The following RBFOX1 variants were observed in gnomAD, a reference collection of about 807,000 sequenced individuals.
RBFOX1 encodes the protein RNA binding fox-1 homolog 1, also known as RNA binding protein fox-1 homolog 1.
RBFOX1 carries 8 observed loss-of-function variants against 57.7 expected under a neutral mutation model. That is an observed-to-expected ratio of 0.14 (90% confidence interval 0.08 to 0.25). The LOEUF is 0.25. Among genes scored for constraint, RBFOX1 ranks in the 10% least tolerant of loss-of-function variants. RBFOX1 has a pLI of 1.00. For synonymous variants in RBFOX1, 326 were observed against 222.4 expected (o/e 1.47, Z -4.15); for missense variants, 611 against 548.5 (o/e 1.11, Z -1.14).
At chr16:6,607,196 C>T (rs565993395) in intron 2 of RBFOX1, among the ~76,000 whole-genome samples, 2 of 152,258 alleles carry the variant, frequency 1.3e-5, no homozygotes, top group Admixed American at 6.5e-5. Flanking sequence ...CATCTGACTA[C>T]TGATTGGGGA....
chr16:6,099,577 T>C (rs932259860), intron 1 of RBFOX1, among the ~76,000 whole-genome samples: 1 of 152,138 alleles, frequency 6.6e-6, no homozygotes, highest in African/African-American at 2.4e-5. Context: ...TTTCTTTTGG[T>C]GTGATGAAAA....
chr16:7,205,982 C>G (rs2089886910), intron 4 of RBFOX1, among the ~76,000 whole-genome samples: 1 of 152,192 alleles, frequency 6.6e-6, no homozygotes, highest in South Asian at 2.1e-4. Flanking sequence ...CATGATGAGC[C>G]TATGGCCGAT....
intron 2 of RBFOX1, among the ~76,000 whole-genome samples, chr16:6,624,655 G>A (rs1269475540): frequency 6.6e-6 from 1 of 152,062 alleles, no homozygotes; most frequent in Non-Finnish European, 1.5e-5. Flanking sequence ...GTTTTGTTGG[G>A]TACATTTTGT....
intron 3 of RBFOX1, among the ~76,000 whole-genome samples, chr16:5,623,017 G>C (rs909116560): frequency 6.6e-6 from 1 of 152,148 alleles, no homozygotes; most frequent in Non-Finnish European, 1.5e-5. Flanking sequence ...ATACTATGCC[G>C]CTTTGTATGA....
intron 3 of RBFOX1, among the ~76,000 whole-genome samples, chr16:6,779,351 G>C (rs1377106261): frequency 6.6e-6 from 1 of 151,968 alleles, no homozygotes; most frequent in African/African-American, 2.4e-5. Flanking sequence ...AGGATGTCAT[G>C]CTTTTTTGTG....
chr16:5,358,063 C>A (rs543181595), intron 1 of RBFOX1, among the ~76,000 whole-genome samples: 1 of 152,152 alleles, frequency 6.6e-6, no homozygotes, highest in South Asian at 2.1e-4. Context: ...GACTCCGAGA[C>A]CAAGATGTCG....
At chr16:7,438,787 A>T (rs534604907) in intron 4 of RBFOX1, among the ~76,000 whole-genome samples, 1 of 152,186 alleles carries the variant, frequency 6.6e-6, no homozygotes, top group Non-Finnish European at 1.5e-5. Context: ...CAATAATTCA[A>T]TAGCGTAGCC....
chr16:7,474,680 G>T (rs1401022426), intron 4 of RBFOX1, among the ~76,000 whole-genome samples: 1 of 152,210 alleles, frequency 6.6e-6, no homozygotes, highest in Non-Finnish European at 1.5e-5. Flanking sequence ...GTAACTCTGG[G>T]TAAGTTACGA....
intron 3 of RBFOX1, among the ~76,000 whole-genome samples, chr16:6,766,971 A>C (rs113083168): frequency 3.9e-5 from 6 of 152,200 alleles, no homozygotes; most frequent in East Asian, 1.9e-4. Context: ...GGGGAGGCTG[A>C]AGGCTGAAGG....
chr16:5,806,439 C>T (rs1396759548), intron 3 of RBFOX1, among the ~76,000 whole-genome samples: 5 of 152,158 alleles, frequency 3.3e-5, no homozygotes, highest in Non-Finnish European at 7.3e-5. Context: ...GGAGCCAAAG[C>T]TAGTTGCCTC....
chr16:5,491,385 G>A lies in RBFOX1; in HGVS notation c.258+24131G>A, dbSNP rs113999213. Among the ~76,000 whole-genome samples the A allele has an allele frequency of 6.3e-3, 960 of 152,238 alleles. 8 individuals are homozygous for A. Among genetic ancestry groups the A allele is most frequent in the African/African-American group, 0.02 (835 of 41,540 alleles). On this transcript the variant is annotated intron_variant, in intron 2 of 2. Transcript: ENST00000585867. ...TTTGGAAATTCCTATCAATGGAATC[G>A]CACAGTAGTGTGTATTCTTTTCTAT...
chr16:7,302,220 G>A (rs2096052495), intron 4 of RBFOX1, among the ~76,000 whole-genome samples: 1 of 152,184 alleles, frequency 6.6e-6, no homozygotes, highest in Non-Finnish European at 1.5e-5. Flanking sequence ...ATGAAAAGTG[G>A]AAAGAAACAG....
At chr16:7,042,713 G>T (rs1360553508) in intron 3 of RBFOX1, among the ~76,000 whole-genome samples, 2 of 152,184 alleles carry the variant, frequency 1.3e-5, no homozygotes, top group South Asian at 4.1e-4. Context: ...ATCATTTGAG[G>T]TCAGGAGTTC....
intron 14 of RBFOX1, among the ~76,000 whole-genome samples, chr16:7,707,226 C>T (rs529348826): frequency 6.6e-6 from 1 of 152,258 alleles, no homozygotes; most frequent in East Asian, 1.9e-4. Flanking sequence ...CAGTGCAAAC[C>T]TGGTATAATC....
At chr16:7,274,897 C>G (rs759327833) in intron 4 of RBFOX1, among the ~76,000 whole-genome samples, 2 of 152,008 alleles carry the variant, frequency 1.3e-5, no homozygotes, top group African/African-American at 2.4e-5. Context: ...GTTAGCCAGG[C>G]TGTCTCGAGC....
In RBFOX1 at chr16:6,854,545, C is replaced by T. The variant is rs529600680; in HGVS notation, c.-15-197512C>T. Among the ~76,000 whole-genome samples the T allele has an allele frequency of 2.0e-4, 30 of 148,662 alleles. No homozygotes were observed. The South Asian group carries it at 6.4e-3, about 32-fold the overall frequency. On this transcript the variant is annotated intron_variant, in intron 3 of 15. Transcript: ENST00000550418. Reference sequence around the variant, plus strand: ...TGTTTTGCCTGGCCAACGACATCTTCTGAACCTCACGCATTACCTCCCTGC... The same window carrying T: ...TGTTTTGCCTGGCCAACGACATCTTTTGAACCTCACGCATTACCTCCCTGC...
At chr16:7,288,618 A>G (rs1408592178) in intron 4 of RBFOX1, among the ~76,000 whole-genome samples, 2 of 152,210 alleles carry the variant, frequency 1.3e-5, no homozygotes, top group African/African-American at 4.8e-5. Flanking sequence ...AGCTGGGCAG[A>G]TCACTTGAGG....
rs905816647 is a variant in RBFOX1 at position 6,628,289 on chromosome 16, G to A, written c.-63-26314G>A. On this transcript the variant is annotated intron_variant, in intron 2 of 15. Coordinates refer to ENST00000550418, the MANE Select transcript of RBFOX1 (RefSeq NM_018723.4). ...TTGCTCAAAATTTGACTGCTTTCCC[G>A]TTAACGGTTCATTAATTGAAAACTA... is the stretch of plus-strand genomic sequence containing the variant. Among the ~76,000 whole-genome samples the A allele has an allele frequency of 4.6e-5, 7 of 152,142 alleles. No individual in the cohort carries two copies. In the East Asian group the frequency reaches 9.6e-4, roughly 21 times the overall value.
Position 5,957,064 on chromosome 16 carries a change from A to G in RBFOX1, c.351+89729A>G, listed in dbSNP as rs72770955. On this transcript the variant is annotated intron_variant, in intron 4 of 19. Coordinates refer to the RBFOX1 transcript ENST00000641259. Reference sequence around the variant, plus strand: ...TTTACACCACAGTAATTGGTGAATTACTTTAAGTCAGGGCTTTAAAAATTG... The same window carrying G: ...TTTACACCACAGTAATTGGTGAATTGCTTTAAGTCAGGGCTTTAAAAATTG... 8.5e-3 allele frequency among the ~76,000 whole-genome samples: 1,291 copies of G among 152,276 alleles called. 14 individuals carry two copies. The highest frequency in any genetic ancestry group is 0.016 in the Admixed American group (238 of 15,294).
Sources: allele counts gnomAD v4.1 joint callset (sites outside exome capture counted in the v4.1 genomes callset), GRCh38; gene constraint gnomAD v4.1.1; transcripts MANE v1.5; gene names NCBI Gene and HGNC (gene_info 2026-07-23, HGNC 2026-07-21).